LAMA2: variants seen among roughly 807,000 people sequenced by gnomAD.
LAMA2 encodes the protein laminin subunit alpha 2.
LAMA2 carries 269 observed loss-of-function variants against 364.8 expected under a neutral mutation model. The observed-to-expected ratio is 0.74, with a 90% CI of 0.67 to 0.82. LAMA2 has a LOEUF of 0.82. LAMA2 is among the 40% of genes least tolerant of loss of function. LAMA2 has a pLI of 0.00. For synonymous variants in LAMA2, 1,379 were observed against 1,370.6 expected (o/e 1.01, Z -0.14); for missense variants, 3,807 against 3,873.2 (o/e 0.98, Z 0.45).
intron 42 of LAMA2, 77 bp from the exon 43 acceptor site, chr6:129,440,734 ACAGCC>A (rs1782064218): frequency 1.6e-6 from 2 of 1,248,754 alleles, no homozygotes; most frequent in Admixed American, 1.7e-5. Flanking sequence ...TCAGCCAGCC[ACAGCC>A]TCGCTTTGTC....
chr6:129,021,946 C>T (rs1370909894), intron 1 of LAMA2, among the ~76,000 whole-genome samples: 2 of 152,210 alleles, frequency 1.3e-5, no homozygotes, highest in African/African-American at 4.8e-5. Context: ...AAGTAGGCCA[C>T]AAGGCATGGC....
At chr6:128,960,037 A>AAGTTGTG (rs1781382207) in intron 1 of LAMA2, among the ~76,000 whole-genome samples, 1 of 152,046 alleles carries the variant, frequency 6.6e-6, no homozygotes, top group Non-Finnish European at 1.5e-5. Context: ...TTTCACATTG[A>AAGTTGTG]AGTTGAAGAG....
chr6:129,405,750 G>A (rs1417050565), intron 40 of LAMA2, among the ~76,000 whole-genome samples: 1 of 152,078 alleles, frequency 6.6e-6, no homozygotes, highest in Non-Finnish European at 1.5e-5. Flanking sequence ...TGCTGGAAAA[G>A]AAATATATTT....
chr6:129,280,015 A>G (rs1213556970), intron 17 of LAMA2, 46 bp from the exon 18 acceptor site: 1 of 1,221,294 alleles, frequency 8.2e-7, no homozygotes. Context: ...GACTTTGTGT[A>G]TGTCCTTCTT....
chr6:129,487,180 G>C (rs1419304763), intron 56 of LAMA2, among the ~76,000 whole-genome samples: 1 of 152,184 alleles, frequency 6.6e-6, no homozygotes, highest in Admixed American at 6.5e-5. Context: ...ATCAAGGGAG[G>C]GGAGGAAAAT....
intron 34 of LAMA2, among the ~76,000 whole-genome samples, chr6:129,372,673 A>T (rs370170385): frequency 6.6e-6 from 1 of 152,238 alleles, no homozygotes; most frequent in South Asian, 2.1e-4. Context: ...AAGGAGCATG[A>T]TTGCTGGATG....
intron 8 of LAMA2, chr6:129,159,050 T>C: frequency 3.2e-6 from 5 of 1,581,394 alleles, no homozygotes; most frequent in Non-Finnish European, 4.3e-6. Flanking sequence ...ATCCAGATTC[T>C]GTCCTTGAAC....
At chr6:128,910,014 T>C (rs1458529224) in intron 1 of LAMA2, among the ~76,000 whole-genome samples, 1 of 152,070 alleles carries the variant, frequency 6.6e-6, no homozygotes, top group Non-Finnish European at 1.5e-5. Context: ...CTGCTGTTAG[T>C]CTGATGGGCT....
chr6:129,291,746 A>G (rs772259812), intron 20 of LAMA2, 26 bp downstream of exon 20: 1 of 1,473,876 alleles, frequency 6.8e-7, no homozygotes, highest in African/African-American at 1.4e-5. Context: ...TGACCCATAA[A>G]TTACTTTCTC....
intron 42 of LAMA2, among the ~76,000 whole-genome samples, chr6:129,439,437 A>G (rs1046066157): frequency 1.3e-5 from 2 of 152,058 alleles, no homozygotes; most frequent in African/African-American, 4.8e-5. Flanking sequence ...TCACATAGAC[A>G]CTAATCTCTA....
chr6:129,136,995 G>A (rs913767513), intron 4 of LAMA2, among the ~76,000 whole-genome samples: 3 of 152,066 alleles, frequency 2.0e-5, no homozygotes, highest in Admixed American at 6.6e-5. Context: ...GTTAGGTATC[G>A]AAAGCATAAT....
In LAMA2 at chr6:129,503,249, C is replaced by T; in HGVS notation, c.8516C>T (p.Pro2839Leu). The change falls in exon 60 of 65, where the codon CCC becomes CTC. Residue 2839 changes from proline to leucine, a missense_variant. Transcript: ENST00000421865. ...LGSGDTHTMI[P>L]TKINDGQWHK... ...AGTGGGGACACCCACACCATGATCC[C>T]CACCAAAATCAATGATGGCCAGTGG... 1.9e-6 allele frequency: 3 copies of T among 1,614,032 alleles called. No individual in the cohort carries two copies. Among genetic ancestry groups the T allele is most frequent in the African/African-American group, 1.3e-5 (1 of 75,040 alleles).
chr6:129,188,230 G>C (rs1163244786), intron 10 of LAMA2, among the ~76,000 whole-genome samples: 1 of 151,732 alleles, frequency 6.6e-6, no homozygotes, highest in East Asian at 1.9e-4. Context: ...TATCTTCATA[G>C]TGCCTAGAAT....
intron 1 of LAMA2, among the ~76,000 whole-genome samples, chr6:128,934,288 C>T (rs962907382): frequency 1.3e-5 from 2 of 152,058 alleles, no homozygotes; most frequent in Non-Finnish European, 2.9e-5. Flanking sequence ...TTTCATTGGT[C>T]TATATGTCTG....
rs145615061 is a variant in LAMA2 at position 129,408,278 on chromosome 6, C to T, written c.5865+4319C>T. Among the ~76,000 whole-genome samples the T allele has an allele frequency of 1.6e-4, 25 of 152,218 alleles. No individual in the cohort carries two copies. In the East Asian group the frequency reaches 2.7e-3, roughly 16 times the overall value. On this transcript the variant is annotated intron_variant, in intron 40 of 64. Coordinates refer to ENST00000421865, the MANE Select transcript of LAMA2 (RefSeq NM_000426.4). ...CCTTCTGGAGAACTTTGCCCCAGTC[C>T]GGCAAAGTATTGTCACCTAGTTGGC...
At position 129,479,406 on chromosome 6, in the gene LAMA2, G is replaced by T. The variant is rs111562852; in HGVS notation, c.7572+593G>T. Among the ~76,000 whole-genome samples, 1,271 of 152,200 alleles carry T rather than the reference G, an allele frequency of 8.4e-3. 12 individuals are homozygous for T. Among genetic ancestry groups the T allele is most frequent in the Non-Finnish European group, 0.014 (943 of 67,970 alleles). On this transcript the variant is annotated intron_variant, in intron 54 of 64. Coordinates refer to ENST00000421865, the MANE Select transcript of LAMA2 (RefSeq NM_000426.4). ...TCAGTAACTCTTCTTTGATGCTAAA[G>T]CATCCTAGCATTCCCCTATTTTCGT...
rs918263095 is a variant in LAMA2, at chr6:129,478,879, C to T, written c.7572+66C>T. 5.8e-6 allele frequency: 8 copies of T among 1,372,012 alleles called. No individual in the cohort carries two copies. The South Asian group carries it at 8.1e-5, about 14-fold the overall frequency. 85.0% of individuals were successfully genotyped at this position (1,372,012 alleles called of 1,614,324 possible). The stretch of plus-strand genomic sequence containing the variant: ...AGATTTCACTTACTTAGTGTGGCTG[C>T]TCCTACAAGGATCAGTCTTTTGTTA... On this transcript the variant is annotated intron_variant, in intron 54 of 64. Coordinates refer to ENST00000421865, the MANE Select transcript of LAMA2 (RefSeq NM_000426.4).
chr6:128,963,106 C>T (rs1035153644), intron 1 of LAMA2, among the ~76,000 whole-genome samples: 11 of 152,098 alleles, frequency 7.2e-5, no homozygotes, highest in Non-Finnish European at 1.3e-4. Flanking sequence ...TCTTCTGGTA[C>T]GGTTCTTTCA....
chr6:129,203,902 C>G (rs188231843), intron 12 of LAMA2, among the ~76,000 whole-genome samples: 1 of 152,142 alleles, frequency 6.6e-6, no homozygotes, highest in Non-Finnish European at 1.5e-5. Context: ...ACAAAGCTCT[C>G]GAAAATGTCC....
Sources: gnomAD v4.1 joint callset for allele counts (sites outside exome capture counted in the v4.1 genomes callset) on GRCh38, gnomAD v4.1.1 for gene constraint, MANE v1.5 for transcripts, NCBI Gene and HGNC (gene_info 2026-07-23, HGNC 2026-07-21) for gene names.